Variants in DYRK4 observed in about 807,000 individuals in gnomAD.
DYRK4 encodes dual specificity tyrosine phosphorylation regulated kinase 4.
In DYRK4, 64 loss-of-function variants were observed where a neutral mutation model predicts 68.3. The observed-to-expected ratio is 0.94, with a 90% CI of 0.77 to 1.15. The LOEUF (loss-of-function observed/expected upper bound fraction) is 1.15. Ranked by LOEUF, DYRK4 falls within the 50% of genes most tolerant of loss-of-function variation. The pLI is 0.00. For missense variants in DYRK4, 740 were observed against 764.7 expected, an observed-to-expected ratio of 0.97 and a Z score of 0.38; for synonymous variants, 274 against 289.9, an observed-to-expected ratio of 0.95 and a Z score of 0.56.
chr12:4,610,455 ACATCTCTCCCTAC>A, intron 13 of DYRK4, 171 bp downstream of exon 13: 1 of 594,194 alleles, frequency 1.7e-6, no homozygotes, highest in Non-Finnish European at 2.7e-6. Context: ...GTTTCATCAG[ACATCTCTCCCTAC>A]TGTGTGGTTG....
chr12:4,602,345 T>C (rs973841681), intron 10 of DYRK4: 8 of 891,954 alleles, frequency 9.0e-6, no homozygotes, highest in Non-Finnish European at 1.5e-5. Flanking sequence ...TCTTCCTCTC[T>C]TTTCAGCTTT....
chr12:4,604,430 C>T (rs1945116528), intron 10 of DYRK4, among the ~76,000 whole-genome samples: 1 of 152,154 alleles, frequency 6.6e-6, no homozygotes. Flanking sequence ...GTCTGTTCAT[C>T]CTCACCTGTT....
chr12:4,571,375 C>A (rs1418881715), intron 2 of DYRK4, among the ~76,000 whole-genome samples: 1 of 152,184 alleles, frequency 6.6e-6, no homozygotes, highest in Non-Finnish European at 1.5e-5. Flanking sequence ...CGTTCCTTCC[C>A]CACCATTTCT....
At chr12:4,585,690 A>G (rs1944889909) in intron 2 of DYRK4, among the ~76,000 whole-genome samples, 1 of 152,252 alleles carries the variant, frequency 6.6e-6, no homozygotes, top group African/African-American at 2.4e-5. Context: ...TGATGAGTTA[A>G]TGGGTGCAGC....
chr12:4,591,015 C>T lies in DYRK4; in HGVS notation c.325-145C>T. 1 of 942,464 alleles carries T rather than the reference C, an allele frequency of 1.1e-6. No homozygotes were observed. Among genetic ancestry groups the T allele is most frequent in the Non-Finnish European group, 1.6e-6 (1 of 643,622 alleles). The allele number at this position is 942,464 out of a possible 1,614,324, so 58.4% of individuals were successfully genotyped here. A position where few individuals can be genotyped will look rare whatever the true frequency, so the allele number is the denominator to read the frequency against. ...CCTTTGGGAGAGAGGTAGGGAGAAC[C>T]TTCTGTCTCTTAATCGCTGTTTTCT... is the stretch of plus-strand genomic sequence containing the variant. On this transcript the variant is annotated intron_variant, in intron 4 of 14. Coordinates refer to ENST00000543431, the MANE Select transcript of DYRK4 (RefSeq NM_001394779.1). This position sits in a 1 kb window ranked among gnomAD's most constrained non-coding sequence, Gnocchi z 4.1.
rs769914275 is a variant in DYRK4, at chr12:4,596,615, T to C, written c.791T>C (p.Leu264Pro). Residue 264 changes from leucine to proline, a missense_variant, in exon 8 of 15, where the codon CTG becomes CCG. This residue lies in a region of DYRK4 where 614 missense variants were observed against 603.7 expected (regional missense o/e 1.02). Coordinates refer to ENST00000543431, the MANE Select transcript of DYRK4 (RefSeq NM_001394779.1). ...TTTCACCAGCAGGCCCTGATGGAGCTGAAGATCCTGGAAGCTCTCAGAAAG... is the reference window on the plus strand; with the variant it reads ...TTTCACCAGCAGGCCCTGATGGAGCCGAAGATCCTGGAAGCTCTCAGAAAG... ...KRFHQQALME[L>P]KILEALRKKD... The C allele has an allele frequency of 6.2e-6, 10 of 1,613,974 alleles. No homozygotes were observed. The South Asian group carries it at 1.1e-4, about 18-fold the overall frequency.
chr12:4,608,942 A>C (rs370786284), intron 12 of DYRK4, among the ~76,000 whole-genome samples: 2 of 152,204 alleles, frequency 1.3e-5, no homozygotes, highest in African/African-American at 4.8e-5. Flanking sequence ...TTTGGATCCC[A>C]AATATACTTT....
intron 11 of DYRK4, among the ~76,000 whole-genome samples, chr12:4,605,663 A>G (rs2137397493): frequency 6.6e-6 from 1 of 150,676 alleles, no homozygotes; most frequent in South Asian, 2.1e-4. Flanking sequence ...AAATTTTGAT[A>G]ATTATTGAAA....
chr12:4,573,581 G>C (rs572986318), intron 2 of DYRK4, among the ~76,000 whole-genome samples: 4 of 152,256 alleles, frequency 2.6e-5, no homozygotes, highest in African/African-American at 9.6e-5. Flanking sequence ...TCAGTTCGAC[G>C]TTGAAGGTGG....
At chr12:4,589,127 A>C (rs1591796076) in intron 3 of DYRK4, 110 bp downstream of exon 3, 1 of 959,630 alleles carries the variant, frequency 1.0e-6, no homozygotes, top group Admixed American at 2.2e-5. Context: ...AATGTATCAT[A>C]ACATGATGAC....
At chr12:4,597,496 G>C (rs1203762526) in intron 8 of DYRK4, among the ~76,000 whole-genome samples, 1 of 152,226 alleles carries the variant, frequency 6.6e-6, no homozygotes, top group Admixed American at 6.5e-5. Context: ...TTATTACAAA[G>C]CGTGGTCGAG....
Position 4,588,933 on chromosome 12 carries a change from CCAGGTTGGAA to C in DYRK4, c.133-3_139del. On this transcript the variant is annotated splice_acceptor_variant and splice_polypyrimidine_tract_variant and coding_sequence_variant and intron_variant, in exon 3 of 15. Transcript: ENST00000543431. LOFTEE classifies it high-confidence loss of function. Reference sequence around the variant, plus strand: ...TTGTTCCTATTTTCTTCCACTTGATCCAGGTTGGAAGTAAACTTTCGGTTCAGATCCAGAA... The same window carrying C: ...TTGTTCCTATTTTCTTCCACTTGATCGTAAACTTTCGGTTCAGATCCAGAA... The C allele has an allele frequency of 6.5e-7, 1 of 1,535,882 alleles. No homozygotes were observed. The highest frequency in any genetic ancestry group is 8.7e-7 in the Non-Finnish European group (1 of 1,146,772).
rs528337633 is a variant in DYRK4, at chr12:4,597,761, C to T, written c.905+1032C>T. Among the ~76,000 whole-genome samples the T allele has an allele frequency of 7.9e-5, 12 of 152,216 alleles. No individual in the cohort carries two copies. The South Asian group carries it at 1.9e-3, about 24-fold the overall frequency. On this transcript the variant is annotated intron_variant, in intron 8 of 14. Transcript: ENST00000543431. Reference sequence around the variant, plus strand: ...GCAGCCCTCAAGAATGAATGGTGGCCGGGCATGGTGGCTCATGCCTGTAAT... The same window carrying T: ...GCAGCCCTCAAGAATGAATGGTGGCTGGGCATGGTGGCTCATGCCTGTAAT...
At chr12:4,565,544 A>G (rs1408342169) in intron 1 of DYRK4, among the ~76,000 whole-genome samples, 13 of 152,212 alleles carry the variant, frequency 8.5e-5, no homozygotes, top group Middle Eastern at 3.4e-3. Flanking sequence ...CGTTTCCTTC[A>G]GTGTTTGCTC....
At position 4,613,670 on chromosome 12, in the gene DYRK4, G is replaced by C; in HGVS notation, c.1822G>C (p.Gly608Arg). 6 of 1,613,068 alleles carry C rather than the reference G, an allele frequency of 3.7e-6. No individual in the cohort carries two copies. The highest frequency in any genetic ancestry group is 1.7e-5 in the Admixed American group (1 of 59,998). Residue 608 changes from glycine to arginine, a missense_variant, in exon 15 of 15, where the codon GGG becomes CGG. By Grantham distance (125) the Gly-to-Arg change is moderately radical. Transcript: ENST00000543431. The surrounding 1 kb of genome is among the most constrained non-coding windows in gnomAD (Gnocchi z 4.0). Reference sequence around the variant, plus strand: ...TCCCAAGAAGTCAGAGGCAGCTGTCGGGGCGGAGGTGTCCATGACCTCCCC... The same window carrying C: ...TCCCAAGAAGTCAGAGGCAGCTGTCCGGGCGGAGGTGTCCATGACCTCCCC... Reference protein sequence around the residue: ...DAPKKSEAAVGAEVSMTSPGQ... With the variant: ...DAPKKSEAAVRAEVSMTSPGQ...
At chr12:4,586,129 G>A (rs1334247993) in intron 2 of DYRK4, among the ~76,000 whole-genome samples, 12 of 152,124 alleles carry the variant, frequency 7.9e-5, no homozygotes, top group African/African-American at 2.9e-4. Flanking sequence ...AGGCTGAGGT[G>A]GGAGGATTGC....
intron 2 of DYRK4, among the ~76,000 whole-genome samples, chr12:4,570,970 G>A (rs559019810): frequency 1.3e-5 from 2 of 152,342 alleles, no homozygotes; most frequent in South Asian, 2.1e-4. Context: ...TCAGGAAAAT[G>A]CTGTGTGTTG....
At position 4,575,470 on chromosome 12, in the gene DYRK4, A is replaced by C. The variant is rs545471561; in HGVS notation, c.132+7422A>C. ...ACTACAGATGCATGCCGCCACTACC[A>C]GCTAATTTTTTTGTACTTTTAGTAG... On this transcript the variant is annotated intron_variant, in intron 2 of 14. Coordinates refer to ENST00000543431, the MANE Select transcript of DYRK4 (RefSeq NM_001394779.1). Among the ~76,000 whole-genome samples, 77 of 152,010 alleles carry C rather than the reference A, an allele frequency of 5.1e-4. No individual in the cohort carries two copies. The South Asian group carries it at 0.012, about 23-fold the overall frequency.
intron 7 of DYRK4, 145 bp downstream of exon 7, chr12:4,596,430 A>C (rs1468859700): frequency 1.3e-6 from 2 of 1,508,138 alleles, no homozygotes; most frequent in African/African-American, 1.4e-5. Context: ...TGATTCCATG[A>C]GGGGGCAAAG....
Sources: gnomAD v4.1 joint callset for allele counts (sites outside exome capture counted in the v4.1 genomes callset) on GRCh38, gnomAD v4.1.1 for gene constraint, gnomAD v4.1.1 regional missense constraint, Gnocchi (gnomAD v3.1) non-coding constraint, MANE v1.5 for transcripts, NCBI Gene and HGNC (gene_info 2026-07-23, HGNC 2026-07-21) for gene names.